Variants in NPAS3 observed in about 807,000 individuals in gnomAD.
The protein encoded by NPAS3 is neuronal PAS domain-containing protein 3.
NPAS3 carries 14 observed loss-of-function variants against 73.1 expected under a neutral mutation model. The observed-to-expected ratio is 0.19, with a 90% CI of 0.13 to 0.30. The LOEUF is 0.30. Among genes scored for constraint, NPAS3 ranks in the 10% least tolerant of loss-of-function variants. The pLI is 1.00. For missense variants in NPAS3, 1,096 were observed against 1,250.0 expected (o/e 0.88, Z 1.86); for synonymous variants, 620 against 541.5 (o/e 1.14, Z -2.01).
chr14:33,368,311 A>T (rs995639084), intron 4 of NPAS3, among the ~76,000 whole-genome samples: 25 of 72,886 alleles, frequency 3.4e-4, no homozygotes, highest in Admixed American at 8.3e-4. Flanking sequence ...ATTCTGCGTT[A>T]AAAAAAAAAA....
chr14:33,133,422 A>G (rs1042732701), intron 2 of NPAS3, among the ~76,000 whole-genome samples: 6 of 152,192 alleles, frequency 3.9e-5, no homozygotes, highest in Non-Finnish European at 7.4e-5. Context: ...CTGAGTCGTT[A>G]GGACCGGTCA....
intron 5 of NPAS3, among the ~76,000 whole-genome samples, chr14:33,668,845 A>C (rs2059531795): frequency 6.6e-6 from 1 of 152,164 alleles, no homozygotes; most frequent in African/African-American, 2.4e-5. Context: ...GCTGTTTAGA[A>C]TCAGGGAAAT....
At chr14:33,171,979 G>A (rs1191176165) in intron 2 of NPAS3, among the ~76,000 whole-genome samples, 2 of 152,086 alleles carry the variant, frequency 1.3e-5, no homozygotes, top group African/African-American at 4.8e-5. Flanking sequence ...CTGAGGAGAG[G>A]GAGAGATGAG....
intron 5 of NPAS3, among the ~76,000 whole-genome samples, chr14:33,611,757 G>A (rs2057756027): frequency 6.6e-6 from 1 of 152,046 alleles, no homozygotes; most frequent in African/African-American, 2.4e-5. Context: ...GTTTTTTAGT[G>A]TTCAAGTAAA....
At chr14:33,421,874 T>C (rs2048372788) in intron 4 of NPAS3, among the ~76,000 whole-genome samples, 1 of 151,962 alleles carries the variant, frequency 6.6e-6, no homozygotes, top group African/African-American at 2.4e-5. Context: ...GATTGAAAGA[T>C]TGAAAGTGGA....
At chr14:33,792,800 A>T (rs982189889) in intron 9 of NPAS3, among the ~76,000 whole-genome samples, 5 of 152,216 alleles carry the variant, frequency 3.3e-5, no homozygotes, top group Non-Finnish European at 7.3e-5. Flanking sequence ...GAGGTTTTTC[A>T]TTTCAGCAGA....
rs139934489 is a variant in NPAS3 at position 33,220,842 on chromosome 14, G to T, written c.385+5416G>T. ...GTCACTATTGTTTTCAGTGCATCTG[G>T]TACAACGGAGCATTCAGGATTACCC... On this transcript the variant is annotated intron_variant, in intron 3 of 11. Coordinates refer to ENST00000356141, the Ensembl canonical transcript of NPAS3. Among the ~76,000 whole-genome samples, 38 of 152,300 alleles carry T rather than the reference G, an allele frequency of 2.5e-4. No homozygotes were observed. The East Asian group carries it at 7.1e-3, about 29-fold the overall frequency.
chr14:33,755,669 A>G (rs1346344832), intron 7 of NPAS3, among the ~76,000 whole-genome samples: 3 of 152,148 alleles, frequency 2.0e-5, no homozygotes, highest in South Asian at 2.1e-4. Context: ...GTGTTATTTA[A>G]TAATATTACT....
At chr14:33,774,551 T>G in intron 8 of NPAS3, 21 bp downstream of exon 8, 1 of 1,598,040 alleles carries the variant, frequency 6.3e-7, no homozygotes, top group East Asian at 2.2e-5. Flanking sequence ...TTTGTTTTCA[T>G]TTGCCCTGTT....
rs1384569899 is a variant in NPAS3, at chr14:33,087,197, T to C, written c.140+31203T>C. Among the ~76,000 whole-genome samples, 995 of 103,248 alleles carry C rather than the reference T, an allele frequency of 9.6e-3. 9 individuals are homozygous for C. Among genetic ancestry groups the C allele is most frequent in the Non-Finnish European group, 0.013 (635 of 50,656 alleles). The allele number at this position is 103,248 out of a possible 152,430, so 67.7% of individuals were successfully genotyped here. A position where few individuals can be genotyped will look rare whatever the true frequency, so the allele number is the denominator to read the frequency against. On this transcript the variant is annotated intron_variant, in intron 2 of 11. Coordinates refer to ENST00000356141, the Ensembl canonical transcript of NPAS3. ...ATATAGTATACAATATAATATTGTA[T>C]AATAATATAGTATTATTATTATTGT...
At chr14:32,950,774 C>T (rs998327637) in intron 1 of NPAS3, among the ~76,000 whole-genome samples, 4 of 152,062 alleles carry the variant, frequency 2.6e-5, no homozygotes, top group Non-Finnish European at 5.9e-5. Flanking sequence ...TGACACCATC[C>T]TCTAGCTAAT....
intron 1 of NPAS3, among the ~76,000 whole-genome samples, chr14:33,004,604 C>T (rs989468267): frequency 2.6e-5 from 4 of 152,090 alleles, no homozygotes; most frequent in African/African-American, 9.7e-5. Flanking sequence ...ACACTGTTCA[C>T]TTAGGCTACA....
chr14:33,334,684 A>G lies in NPAS3; in HGVS notation c.386-32502A>G, dbSNP rs1316079888. Among the ~76,000 whole-genome samples, 3 of 150,582 alleles carry G rather than the reference A, an allele frequency of 2.0e-5. No homozygotes were observed. The East Asian group carries it at 5.8e-4, about 29-fold the overall frequency. ...GTTCAGGCAGTTTATTCTTTTTACA[A>G]AATTTTAATTTTAATTTTTTTTATT... On this transcript the variant is annotated intron_variant, in intron 3 of 11. Coordinates refer to ENST00000356141, the Ensembl canonical transcript of NPAS3.
chr14:33,467,880 T>A (rs1221813678), intron 4 of NPAS3, among the ~76,000 whole-genome samples: 1 of 152,158 alleles, frequency 6.6e-6, no homozygotes, highest in African/African-American at 2.4e-5. Flanking sequence ...GTGTGATAAA[T>A]CATCATGCTT....
At chr14:33,272,149 T>G (rs1409864588) in intron 3 of NPAS3, among the ~76,000 whole-genome samples, 1 of 152,198 alleles carries the variant, frequency 6.6e-6, no homozygotes, top group East Asian at 1.9e-4. Context: ...AATCCTGTTT[T>G]GCTCAGCATC....
At chr14:33,332,014 C>G (rs2044008324) in intron 3 of NPAS3, among the ~76,000 whole-genome samples, 1 of 152,166 alleles carries the variant, frequency 6.6e-6, no homozygotes, top group African/African-American at 2.4e-5. Flanking sequence ...CTTTGCAGTG[C>G]TTGCTGCTGA....
At chr14:33,102,686 T>G (rs1406920784) in intron 2 of NPAS3, among the ~76,000 whole-genome samples, 1 of 152,096 alleles carries the variant, frequency 6.6e-6, no homozygotes, top group African/African-American at 2.4e-5. Context: ...ATTGCCAGCA[T>G]AGCTAGGAAT....
At chr14:33,745,576 C>T (rs2061767073) in intron 7 of NPAS3, among the ~76,000 whole-genome samples, 2 of 152,242 alleles carry the variant, frequency 1.3e-5, no homozygotes, top group South Asian at 2.1e-4. Flanking sequence ...ACATACAATC[C>T]ATGTCTACAT....
At chr14:33,108,800 C>G (rs1018404640) in intron 2 of NPAS3, among the ~76,000 whole-genome samples, 1 of 152,008 alleles carries the variant, frequency 6.6e-6, no homozygotes, top group Non-Finnish European at 1.5e-5. Context: ...GAATTGAAGT[C>G]GATTCCAGAG....
Sources: allele counts gnomAD v4.1 joint callset (sites outside exome capture counted in the v4.1 genomes callset), GRCh38; gene constraint gnomAD v4.1.1; transcripts MANE v1.5; gene names NCBI Gene and HGNC (gene_info 2026-07-23, HGNC 2026-07-21).